CSMD1: variants seen among roughly 807,000 people sequenced by gnomAD.
CSMD1 encodes the protein CUB and Sushi multiple domains 1, also known as CUB and sushi domain-containing protein 1.
Under a neutral mutation model 417.5 loss-of-function variants are expected in CSMD1, and 213 were observed. The observed-to-expected ratio is 0.51, with a 90% CI of 0.46 to 0.57. The LOEUF (loss-of-function observed/expected upper bound fraction) is 0.57. CSMD1 is among the 20% of genes least tolerant of loss of function. The pLI is 0.00. For synonymous variants in CSMD1, 2,862 were observed against 1,736.8 expected (o/e 1.65, Z -16.11); for missense variants, 6,923 against 4,529.7 (o/e 1.53, Z -15.17).
At chr8:3,862,101 A>G (rs1224169260) in intron 5 of CSMD1, among the ~76,000 whole-genome samples, 1 of 152,152 alleles carries the variant, frequency 6.6e-6, no homozygotes, top group East Asian at 1.9e-4. Context: ...AAAATACACT[A>G]TCATTTTTTT....
chr8:4,011,962 A>T (rs1485088028), intron 4 of CSMD1, among the ~76,000 whole-genome samples: 5 of 152,126 alleles, frequency 3.3e-5, no homozygotes, highest in Non-Finnish European at 7.3e-5. Context: ...CATTATTTAT[A>T]ATACCAAATA....
In CSMD1 at chr8:3,266,784, C is replaced by CA. The variant is rs10595372; in HGVS notation, c.4153+17359dup. 4.3e-3 allele frequency among the ~76,000 whole-genome samples: 560 copies of CA among 131,554 alleles called. 2 individuals carry two copies. Among genetic ancestry groups the CA allele is most frequent in the Middle Eastern group, 0.029 (7 of 244 alleles). The allele number at this position is 131,554 out of a possible 152,430, so 86.3% of individuals were successfully genotyped here. ...AGTGAGACACTGTCTTAAAAAAAAT[C>CA]AAAAAAAAAAAAAAAGGACCACCCT... On this transcript the variant is annotated intron_variant, in intron 26 of 69. Transcript: ENST00000635120.
intron 10 of CSMD1, among the ~76,000 whole-genome samples, chr8:3,521,815 C>T (rs28695789): frequency 0.16 from 24,708 of 152,150 alleles, 2,168 homozygotes; most frequent in Admixed American, 0.24. Context: ...TGTATACACA[C>T]CTTCTTAGCT....
intron 1 of CSMD1, among the ~76,000 whole-genome samples, chr8:4,677,429 G>A (rs895617027): frequency 4.6e-5 from 7 of 151,406 alleles, no homozygotes; most frequent in Non-Finnish European, 7.4e-5. Flanking sequence ...TCTCTCTCTC[G>A]TTCTCTCTCC....
intron 41 of CSMD1, among the ~76,000 whole-genome samples, chr8:3,123,113 G>C (rs1475233554): frequency 2.0e-5 from 3 of 152,168 alleles, no homozygotes; most frequent in Non-Finnish European, 2.9e-5. Context: ...TAGATGCTTA[G>C]AAATCTAAGC....
In CSMD1 at chr8:3,290,311, C is replaced by G. The variant is rs1454900863; in HGVS notation, c.3951-5965G>C. Among the ~76,000 whole-genome samples, 5 of 146,760 alleles carry G rather than the reference C, an allele frequency of 3.4e-5. No homozygotes were observed. In the East Asian group the frequency reaches 9.8e-4, roughly 29 times the overall value. ...CTTAGGATTGACTTGGTGATTTGGG[C>G]TCTTTTTTGGTTCCATATGAACTTT... On this transcript the variant is annotated intron_variant, in intron 25 of 69. Coordinates refer to ENST00000635120, the MANE Select transcript of CSMD1 (RefSeq NM_033225.6).
At chr8:3,437,772 G>C (rs1255724384) in intron 12 of CSMD1, among the ~76,000 whole-genome samples, 1 of 148,904 alleles carries the variant, frequency 6.7e-6, no homozygotes, top group African/African-American at 2.5e-5. Context: ...TTTTGTTTCA[G>C]AGTCTTGCTC....
At chr8:3,810,951 C>A (rs905470781) in intron 5 of CSMD1, among the ~76,000 whole-genome samples, 1 of 152,094 alleles carries the variant, frequency 6.6e-6, no homozygotes, top group African/African-American at 2.4e-5. Context: ...GGGATAATAA[C>A]GTTTGTTCTT....
chr8:4,712,710 TTCTC>T (rs146362818), intron 1 of CSMD1, among the ~76,000 whole-genome samples: 3 of 152,326 alleles, frequency 2.0e-5, no homozygotes, highest in Middle Eastern at 3.4e-3. Context: ...GTGTGTTTTT[TTCTC>T]TCTCTCTTTT....
At chr8:3,484,694 C>T (rs1341500803) in intron 11 of CSMD1, among the ~76,000 whole-genome samples, 1 of 152,174 alleles carries the variant, frequency 6.6e-6, no homozygotes, top group Non-Finnish European at 1.5e-5. Flanking sequence ...ATGTATTCTA[C>T]AAAGCACTAA....
chr8:3,696,604 G>A (rs997409438), intron 7 of CSMD1, among the ~76,000 whole-genome samples: 2 of 152,144 alleles, frequency 1.3e-5, no homozygotes, highest in African/African-American at 4.8e-5. Flanking sequence ...GGAAAAAAAT[G>A]AGCGCTTTGG....
At chr8:4,334,095 C>T (rs1383060998) in intron 3 of CSMD1, among the ~76,000 whole-genome samples, 1 of 151,982 alleles carries the variant, frequency 6.6e-6, no homozygotes, top group Admixed American at 6.6e-5. Flanking sequence ...TGATTACAGA[C>T]AGGGTTTTAC....
intron 3 of CSMD1, among the ~76,000 whole-genome samples, chr8:4,038,891 G>A (rs182835342): frequency 2.0e-5 from 3 of 152,208 alleles, no homozygotes; most frequent in Non-Finnish European, 2.9e-5. Context: ...TTCTAAATAT[G>A]CACACGAAAA....
intron 2 of CSMD1, among the ~76,000 whole-genome samples, chr8:4,446,578 G>T (rs1026396511): frequency 6.6e-6 from 1 of 152,096 alleles, no homozygotes; most frequent in Non-Finnish European, 1.5e-5. Context: ...GGGGAAGATG[G>T]AGTCTCATTC....
chr8:3,112,977 C>T (rs1261678460), intron 42 of CSMD1: 1 of 152,364 alleles, frequency 6.6e-6, no homozygotes, highest in South Asian at 2.1e-4. Context: ...CCGTCTTTAT[C>T]CTCGCTGCAG....
At chr8:4,767,480 G>A (rs2164904) in intron 1 of CSMD1, among the ~76,000 whole-genome samples, 61,937 of 151,852 alleles carry the variant, frequency 0.41, 13,165 homozygotes, top group Admixed American at 0.57. Flanking sequence ...CTCCCTCACC[G>A]CTGGCTGCTG....
chr8:3,204,520 C>G (rs981951063), intron 31 of CSMD1, among the ~76,000 whole-genome samples: 1 of 152,074 alleles, frequency 6.6e-6, no homozygotes, highest in South Asian at 2.1e-4. Context: ...TATTACTGCC[C>G]ATTTATCATA....
At chr8:4,916,911 T>C (rs190771423) in intron 1 of CSMD1, among the ~76,000 whole-genome samples, 86 of 152,366 alleles carry the variant, frequency 5.6e-4, no homozygotes, top group African/African-American at 2.0e-3. Context: ...TGGTGATGGA[T>C]ACCAACATTC....
At chr8:3,826,143 T>A (rs1204839864) in intron 5 of CSMD1, among the ~76,000 whole-genome samples, 1 of 152,138 alleles carries the variant, frequency 6.6e-6, no homozygotes, top group Non-Finnish European at 1.5e-5. Context: ...ACACTGCGAA[T>A]GAATACATCA....
Sources: allele counts gnomAD v4.1 joint callset (sites outside exome capture counted in the v4.1 genomes callset), GRCh38; gene constraint gnomAD v4.1.1; transcripts MANE v1.5; gene names NCBI Gene and HGNC (gene_info 2026-07-23, HGNC 2026-07-21).